The following PDE10A variants were observed in gnomAD, a reference collection of about 807,000 sequenced individuals.
PDE10A encodes the protein phosphodiesterase 10A.
A neutral mutation model predicts 97.7 loss-of-function variants in PDE10A; 39 were observed. That is an observed-to-expected ratio of 0.40 (90% CI 0.31 to 0.52). The LOEUF (loss-of-function observed/expected upper bound fraction) is 0.52, where lower values mean the gene tolerates loss of function less well. Among genes scored for constraint, PDE10A ranks in the 20% least tolerant of loss-of-function variants. The pLI is 0.56. For missense variants in PDE10A, 731 were observed against 1,047.8 expected, an observed-to-expected ratio of 0.70 and a Z score of 4.17; for synonymous variants, 371 against 376.8, an observed-to-expected ratio of 0.98 and a Z score of 0.18.
chr6:165,792,448 G>T (rs769997646), intron 1 of PDE10A, among the ~76,000 whole-genome samples: 41 of 152,278 alleles, frequency 2.7e-4, no homozygotes, highest in Admixed American at 1.3e-3. Flanking sequence ...GTCACCTCGG[G>T]TCTCACCGGG....
At chr6:165,586,245 T>C (rs921400900) in intron 1 of PDE10A, among the ~76,000 whole-genome samples, 5 of 152,200 alleles carry the variant, frequency 3.3e-5, no homozygotes, top group Non-Finnish European at 5.9e-5. Context: ...AAATTATATT[T>C]TGTGCCTCAA....
intron 1 of PDE10A, among the ~76,000 whole-genome samples, chr6:165,767,442 T>G (rs1777884926): frequency 6.6e-6 from 1 of 152,190 alleles, no homozygotes; most frequent in Non-Finnish European, 1.5e-5. Flanking sequence ...CCACTCTCCA[T>G]TCCTCCTGCA....
At chr6:165,524,782 C>CTT (rs1039549905) in intron 2 of PDE10A, among the ~76,000 whole-genome samples, 1 of 152,180 alleles carries the variant, frequency 6.6e-6, no homozygotes, top group Non-Finnish European at 1.5e-5. Flanking sequence ...CGCCAGGTGT[C>CTT]TGCTGTTAAA....
At chr6:165,572,615 C>T (rs565263382) in intron 1 of PDE10A, among the ~76,000 whole-genome samples, 40 of 152,316 alleles carry the variant, frequency 2.6e-4, no homozygotes, top group African/African-American at 9.6e-4. Context: ...TAAATAGTCA[C>T]TCGGCTGGGT....
At chr6:165,513,082 A>T (rs552989693) in intron 2 of PDE10A, among the ~76,000 whole-genome samples, 10 of 152,114 alleles carry the variant, frequency 6.6e-5, no homozygotes, top group South Asian at 4.1e-4. Flanking sequence ...CTGTTTTTTT[A>T]AAATTTTTTG....
At chr6:165,921,013 A>C (rs1429038266) in intron 1 of PDE10A, among the ~76,000 whole-genome samples, 1 of 152,190 alleles carries the variant, frequency 6.6e-6, no homozygotes, top group Non-Finnish European at 1.5e-5. Flanking sequence ...AAAGGTCTTG[A>C]CTCATCCTCT....
At chr6:165,872,375 TGTG>T (rs562559854) in intron 1 of PDE10A, among the ~76,000 whole-genome samples, 288 of 152,172 alleles carry the variant, frequency 1.9e-3, no homozygotes, top group African/African-American at 6.6e-3. Flanking sequence ...CATTGTCACA[TGTG>T]GTGGGTGTGG....
At chr6:165,618,434 G>A (rs191354556) in intron 1 of PDE10A, among the ~76,000 whole-genome samples, 111 of 152,232 alleles carry the variant, frequency 7.3e-4, no homozygotes, top group African/African-American at 2.4e-3. Context: ...TTCCAGAGGT[G>A]GCCACGTGTC....
intron 1 of PDE10A, among the ~76,000 whole-genome samples, chr6:165,770,158 A>G (rs1777964753): frequency 9.8e-6 from 1 of 101,924 alleles, no homozygotes; most frequent in Non-Finnish European, 1.8e-5. Context: ...TCTAATGCAA[A>G]AGGGCAAAAA....
At chr6:165,893,821 G>T (rs1278731463) in intron 1 of PDE10A, among the ~76,000 whole-genome samples, 1 of 126,620 alleles carries the variant, frequency 7.9e-6, no homozygotes, top group African/African-American at 3.0e-5. Context: ...CAACATTAGT[G>T]CCATTTTTTT....
At position 165,671,711 on chromosome 6, in the gene PDE10A, CAT is replaced by C. The variant is rs958714970; in HGVS notation, c.-614-128145_-614-128144del. ...GCTAGATATCACACACACACACACACATATATATAGTGTGCTTTATATCATAT... is the reference window on the plus strand; with the variant it reads ...GCTAGATATCACACACACACACACACATATATAGTGTGCTTTATATCATAT... On this transcript the variant is annotated intron_variant, in intron 1 of 19. Coordinates refer to the PDE10A transcript ENST00000366882. This position sits in a 1 kb window ranked among gnomAD's most constrained non-coding sequence, Gnocchi z 4.6. Among the ~76,000 whole-genome samples, 38 of 151,584 alleles carry C rather than the reference CAT, an allele frequency of 2.5e-4. 1 individual carries two copies. Among genetic ancestry groups the C allele is most frequent in the Admixed American group, 9.2e-4 (14 of 15,262 alleles).
At chr6:165,748,952 T>C (rs915467241) in intron 1 of PDE10A, among the ~76,000 whole-genome samples, 1 of 152,150 alleles carries the variant, frequency 6.6e-6, no homozygotes, top group Non-Finnish European at 1.5e-5. Flanking sequence ...CTGTGCAATT[T>C]GAGCAAGTTA....
intron 1 of PDE10A, among the ~76,000 whole-genome samples, chr6:165,852,900 G>A (rs1399080859): frequency 6.6e-6 from 1 of 152,260 alleles, no homozygotes; most frequent in Non-Finnish European, 1.5e-5. Flanking sequence ...CAAAGGAACA[G>A]ACGTGGTAAC....
At chr6:165,922,851 G>T (rs1782794919) in intron 1 of PDE10A, among the ~76,000 whole-genome samples, 2 of 152,158 alleles carry the variant, frequency 1.3e-5, no homozygotes, top group Admixed American at 1.3e-4. Context: ...GTTCTGTCAG[G>T]GTTGCATGCA....
chr6:165,796,091 C>CTTTTTTTT lies in PDE10A; in HGVS notation c.-615+191430_-615+191437dup, dbSNP rs1168771487. 1.3e-3 allele frequency among the ~76,000 whole-genome samples: 138 copies of CTTTTTTTT among 108,792 alleles called. 1 individual carries two copies. Among genetic ancestry groups the CTTTTTTTT allele is most frequent in the South Asian group, 1.7e-3 (5 of 2,982 alleles). 71.4% of individuals were successfully genotyped at this position (108,792 alleles called of 152,430 possible). On this transcript the variant is annotated intron_variant, in intron 1 of 19. Transcript: ENST00000366882. Reference sequence around the variant, plus strand: ...GCACGTCTTTTCTTTTTTTTCTTTTCTTTTTTTTTTTTTTTTTTTTTTGAG... The same window carrying CTTTTTTTT: ...GCACGTCTTTTCTTTTTTTTCTTTTCTTTTTTTTTTTTTTTTTTTTTTTTTTTTTTGAG...
At chr6:165,855,315 G>GA (rs1554332692) in intron 1 of PDE10A, among the ~76,000 whole-genome samples, 1 of 150,966 alleles carries the variant, frequency 6.6e-6, no homozygotes, top group African/African-American at 2.4e-5. Context: ...CGGGGGGGGG[G>GA]GGGGACTCAG....
chr6:165,895,194 G>GAAAT (rs10675549), intron 1 of PDE10A, among the ~76,000 whole-genome samples: 70,310 of 151,732 alleles, frequency 0.46, 16,512 homozygotes, highest in East Asian at 0.66. Context: ...AGTTTATTTG[G>GAAAT]AAATAGGGTC....
At chr6:165,820,886 A>G (rs1363977021) in intron 1 of PDE10A, among the ~76,000 whole-genome samples, 2 of 152,370 alleles carry the variant, frequency 1.3e-5, no homozygotes, top group South Asian at 2.1e-4. Context: ...CTCAGTAGGA[A>G]CACATATTTG....
intron 1 of PDE10A, among the ~76,000 whole-genome samples, chr6:165,757,493 T>G (rs1771558703): frequency 6.6e-6 from 1 of 152,180 alleles, no homozygotes; most frequent in African/African-American, 2.4e-5. Context: ...ACTTTTTTTC[T>G]AGTATCTTTA....
Sources: allele counts gnomAD v4.1 joint callset (sites outside exome capture counted in the v4.1 genomes callset), GRCh38; gene constraint gnomAD v4.1.1; non-coding constraint Gnocchi (gnomAD v3.1); transcripts MANE v1.5; gene names NCBI Gene and HGNC (gene_info 2026-07-23, HGNC 2026-07-21).